The following HSPG2 variants were observed in gnomAD, a reference collection of about 807,000 sequenced individuals.
HSPG2 encodes the protein heparan sulfate proteoglycan 2, also known as basement membrane-specific heparan sulfate proteoglycan core protein.
HSPG2 carries 278 observed loss-of-function variants against 526.6 expected under a neutral mutation model. The observed-to-expected ratio is 0.53, with a 90% confidence interval of 0.48 to 0.58. The LOEUF (loss-of-function observed/expected upper bound fraction) is 0.58. Among genes scored for constraint, HSPG2 ranks in the 20% least tolerant of loss-of-function variants. The pLI, the probability that HSPG2 is intolerant of heterozygous loss-of-function variation, is 0.00. For missense variants in HSPG2, 5,354 were observed against 6,099.5 expected, an observed-to-expected ratio of 0.88 and a Z score of 4.07; for synonymous variants, 2,465 against 2,555.4, an observed-to-expected ratio of 0.96 and a Z score of 1.07.
chr1:21,870,497 C>A (rs1486090074), intron 33 of HSPG2, among the ~76,000 whole-genome samples: 1 of 152,226 alleles, frequency 6.6e-6, no homozygotes, highest in Admixed American at 6.5e-5. Flanking sequence ...CCCACATGCA[C>A]ACAGAGGGTT....
At chr1:21,926,943 G>A (rs986451272) in intron 1 of HSPG2, among the ~76,000 whole-genome samples, 6 of 152,182 alleles carry the variant, frequency 3.9e-5, no homozygotes, top group African/African-American at 1.2e-4. Flanking sequence ...AGAGGGTTGA[G>A]TCAGCTGGGG....
rs1638568954 is a variant in HSPG2, at chr1:21,847,851, A to G, written c.7874-11T>C. The G allele has an allele frequency of 1.2e-6, 2 of 1,613,702 alleles. No individual in the cohort carries two copies. The highest frequency in any genetic ancestry group is 2.7e-5 in the African/African-American group (2 of 74,886). On this transcript the variant is annotated splice_polypyrimidine_tract_variant and intron_variant, in intron 60 of 96. Transcript: ENST00000374695. This position sits in a 1 kb window ranked among gnomAD's most constrained non-coding sequence, Gnocchi z 4.1. ...GGGAGACGCTGGGCACTGGGGACAG[A>G]CGGGTGTGGACCACGCAGCCAGAGT...
intron 2 of HSPG2, 39 bp from the exon 3 acceptor site, chr1:21,896,005 A>G: frequency 1.2e-6 from 2 of 1,608,958 alleles, no homozygotes; most frequent in Non-Finnish European, 8.5e-7. Context: ...AACAACAAGT[A>G]TTTGTTGAGT....
In HSPG2 at chr1:21,880,199, G is replaced by A. The variant is rs192500073; in HGVS notation, c.2251C>T (p.Arg751Trp). ...CCCAGGTAGGGCCCACCAGGCACCC[G>A]AGTGAAGTGGGCATCACAGCTCTCG... ...SCESCDAHFT[R>W]VPGGPYLGTC... The change falls in exon 17 of 97, where the codon CGG (arginine) becomes TGG (tryptophan). Residue 751 changes from arginine to tryptophan, a missense_variant. Physicochemically the swap from Arg to Trp is moderately radical, Grantham distance 101. Transcript: ENST00000374695. 22 of 1,614,154 alleles carry A rather than the reference G, an allele frequency of 1.4e-5. No homozygotes were observed. In the Admixed American group the frequency reaches 2.8e-4, roughly 21 times the overall value.
intron 1 of HSPG2, among the ~76,000 whole-genome samples, chr1:21,917,190 G>C (rs988269729): frequency 6.6e-6 from 1 of 151,964 alleles, no homozygotes; most frequent in Admixed American, 6.6e-5. Flanking sequence ...CTAGCTCTTC[G>C]GGAGGCTGAG....
chr1:21,884,335 G>A (rs1045571126), intron 13 of HSPG2, among the ~76,000 whole-genome samples, 193 bp downstream of exon 13: 1 of 152,168 alleles, frequency 6.6e-6, no homozygotes, highest in Non-Finnish European at 1.5e-5. Flanking sequence ...GGTAGCAAGG[G>A]GGGATTTGGC....
Position 21,880,262 on chromosome 1 carries a change from G to A in HSPG2, c.2196-8C>T. On this transcript the variant is annotated splice_polypyrimidine_tract_variant and splice_region_variant and intron_variant, in intron 16 of 96. Transcript: ENST00000374695. ...GAATAGCCAATGGGGCATCTGTGGG[G>A]ACAGGACCAAAAGAGTCGCTGCAAG... 1.2e-6 allele frequency: 2 copies of A among 1,614,144 alleles called. No homozygotes were observed. The highest frequency in any genetic ancestry group is 1.7e-6 in the Non-Finnish European group (2 of 1,180,036).
chr1:21,842,439 C>A (rs2098052807), intron 67 of HSPG2, 59 bp from the exon 68 acceptor site: 4 of 1,503,506 alleles, frequency 2.7e-6, no homozygotes, highest in Non-Finnish European at 3.6e-6. Flanking sequence ...AGGAATGTCC[C>A]CAAGCCCAAC....
In HSPG2 at chr1:21,890,779, G is replaced by C; in HGVS notation, c.245-85C>G. 9.8e-7 allele frequency: 1 copy of C among 1,023,366 alleles called. No homozygotes were observed. The highest frequency in any genetic ancestry group is 1.6e-5 in the African/African-American group (1 of 63,616). The allele number at this position is 1,023,366 out of a possible 1,614,324, so 63.4% of individuals were successfully genotyped here. On this transcript the variant is annotated intron_variant, in intron 3 of 96. Transcript: ENST00000374695. This position sits in a 1 kb window ranked among gnomAD's most constrained non-coding sequence, Gnocchi z 4.1. Reference sequence around the variant, plus strand: ...CAGTTGGACCATTCAGGCAGAGTTGGGGGGATGGCCCCCAGAGGCCTCCCT... The same window carrying C: ...CAGTTGGACCATTCAGGCAGAGTTGCGGGGATGGCCCCCAGAGGCCTCCCT...
In HSPG2 at chr1:21,831,024, C is replaced by A; in HGVS notation, c.11629G>T (p.Gly3877Trp). 6.3e-7 allele frequency: 1 copy of A among 1,590,964 alleles called. No homozygotes were observed. The highest frequency in any genetic ancestry group is 2.3e-5 in the East Asian group (1 of 44,050). The change falls in exon 85 of 97, where the codon GGG (glycine) becomes TGG (tryptophan). Residue 3877 changes from glycine to tryptophan, a missense_variant. Coordinates refer to ENST00000374695, the MANE Select transcript of HSPG2 (RefSeq NM_005529.7). ...GCCTGCGAGTGCTCACAGCGGCTCC[C>A]GGTGAAGCCAGCTGGGCAGACGCAC... ...YVCVCPAGFT[G>W]SRCEHSQALH...
In HSPG2 at chr1:21,858,750, G is replaced by A. The variant is rs1414661876; in HGVS notation, c.5293+816C>T. Among the ~76,000 whole-genome samples the A allele has an allele frequency of 6.6e-6, 1 of 152,212 alleles. No homozygotes were observed. Among genetic ancestry groups the A allele is most frequent in the Non-Finnish European group, 1.5e-5 (1 of 68,042 alleles). On this transcript the variant is annotated intron_variant, in intron 42 of 96. Coordinates refer to ENST00000374695, the MANE Select transcript of HSPG2 (RefSeq NM_005529.7). This position sits in a 1 kb window ranked among gnomAD's most constrained non-coding sequence, Gnocchi z 4.2. ...TTGAGGGCTTTCTCAGGCCACTGGA[G>A]CCCACAGTGCACACCCATGGGTGGG...
At chr1:21,853,928 C>A (rs1639123310) in intron 50 of HSPG2, 3 of 510,004 alleles carry the variant, frequency 5.9e-6, no homozygotes, top group Non-Finnish European at 7.1e-6. Context: ...ACCAGGTCAG[C>A]CGACTCCCAG....
intron 6 of HSPG2, 30 bp from the exon 7 acceptor site, chr1:21,888,096 C>G: frequency 6.2e-7 from 1 of 1,613,046 alleles, no homozygotes; most frequent in Non-Finnish European, 8.5e-7. Flanking sequence ...AGACTGGAGT[C>G]AGAGGCGGCA....
At position 21,847,243 on chromosome 1, in the gene HSPG2, C is replaced by T. The variant is rs35921133; in HGVS notation, c.8164+111G>A. The T allele has an allele frequency of 0.054, 67,558 of 1,242,502 alleles. 2,290 individuals carry two copies. The highest frequency in any genetic ancestry group is 0.11 in the South Asian group (8,805 of 81,408). 77.0% of individuals were successfully genotyped at this position (1,242,502 alleles called of 1,614,324 possible). On this transcript the variant is annotated intron_variant, in intron 62 of 96. Coordinates refer to ENST00000374695, the MANE Select transcript of HSPG2 (RefSeq NM_005529.7). This position sits in a 1 kb window ranked among gnomAD's most constrained non-coding sequence, Gnocchi z 4.1. ...TAGCCACTGAACCCACGCATCTTTC[C>T]GCTGGCCCTTGCCTGAGTACCACCA...
intron 1 of HSPG2, among the ~76,000 whole-genome samples, chr1:21,927,941 C>A (rs542523159): frequency 6.6e-6 from 1 of 152,340 alleles, no homozygotes; most frequent in South Asian, 2.1e-4. Context: ...GCCCTGGGAA[C>A]CCTGCCTCAG....
Position 21,888,086 on chromosome 1 carries a change from A to G in HSPG2, c.575-20T>C, listed in dbSNP as rs767081596. The G allele has an allele frequency of 1.9e-6, 3 of 1,613,768 alleles. No individual in the cohort carries two copies. Among genetic ancestry groups the G allele is most frequent in the South Asian group, 1.1e-5 (1 of 91,080 alleles). ...GGGGCACTGCAGGTGGAAAGGAAGC[A>G]GACTGGAGTCAGAGGCGGCAGGAGG... On this transcript the variant is annotated intron_variant, in intron 6 of 96. Coordinates refer to ENST00000374695, the MANE Select transcript of HSPG2 (RefSeq NM_005529.7).
chr1:21,823,864 G>A (rs888925285), intron 95 of HSPG2, 145 bp from the exon 96 acceptor site: 22 of 766,710 alleles, frequency 2.9e-5, no homozygotes, highest in Admixed American at 2.0e-4. Context: ...CCCGCTGAAC[G>A]AGAGATCGGG....
intron 28 of HSPG2, 40 bp downstream of exon 28, chr1:21,874,366 A>C (rs1460151974): frequency 1.9e-6 from 3 of 1,609,718 alleles, no homozygotes; most frequent in Non-Finnish European, 2.5e-6. Flanking sequence ...GGTGGTAGAC[A>C]TTTCAGGGAA....
chr1:21,896,633 A>T (rs1055922570), intron 1 of HSPG2, among the ~76,000 whole-genome samples: 3 of 152,144 alleles, frequency 2.0e-5, no homozygotes, highest in African/African-American at 7.2e-5. Flanking sequence ...CACCCAGGAC[A>T]TGAGTGAGTG....
Sources: allele counts gnomAD v4.1 joint callset (sites outside exome capture counted in the v4.1 genomes callset), GRCh38; gene constraint gnomAD v4.1.1; non-coding constraint Gnocchi (gnomAD v3.1); transcripts MANE v1.5; gene names NCBI Gene and HGNC (gene_info 2026-07-23, HGNC 2026-07-21).